VAT1L: variants seen among roughly 807,000 people sequenced by gnomAD.
VAT1L encodes vesicle amine transport 1 like, also known as putative NADPH-dependent quinone oxidoreductase VAT1L.
A neutral mutation model predicts 44.1 loss-of-function variants in VAT1L; 34 were observed. The ratio of observed to expected loss-of-function variants is 0.77; its 90% CI spans 0.59 to 1.03. The LOEUF (loss-of-function observed/expected upper bound fraction) is 1.03, where lower values mean the gene tolerates loss of function less well. Ranked by LOEUF, VAT1L falls within the 50% of genes least tolerant of loss-of-function variation. VAT1L has a pLI of 0.00. For synonymous variants in VAT1L, 253 were observed against 202.2 expected, an observed-to-expected ratio of 1.25 and a Z score of -2.13; for missense variants, 615 against 538.8, an observed-to-expected ratio of 1.14 and a Z score of -1.40.
At chr16:77,878,501 C>G (rs961013544) in intron 5 of VAT1L, among the ~76,000 whole-genome samples, 14 of 151,744 alleles carry the variant, frequency 9.2e-5, no homozygotes, top group African/African-American at 1.5e-4. Context: ...GGTCTTTACT[C>G]TCCGTATGAG....
intron 7 of VAT1L, among the ~76,000 whole-genome samples, chr16:77,890,273 T>C (rs1783693517): frequency 6.6e-6 from 1 of 151,330 alleles, no homozygotes; most frequent in Non-Finnish European, 1.5e-5. Context: ...GTGGGTGGGG[T>C]AGAGAGAAAA....
At chr16:77,931,752 C>G (rs922624348) in intron 7 of VAT1L, among the ~76,000 whole-genome samples, 4 of 152,178 alleles carry the variant, frequency 2.6e-5, no homozygotes, top group Non-Finnish European at 5.9e-5. Flanking sequence ...AATCACACAG[C>G]TGGAAAAATA....
chr16:77,924,820 C>A (rs1417804091), intron 7 of VAT1L, among the ~76,000 whole-genome samples: 3 of 152,114 alleles, frequency 2.0e-5, no homozygotes, highest in Non-Finnish European at 2.9e-5. Context: ...TTTTCCCCCT[C>A]TGTCTAGCAG....
chr16:77,793,315 A>T (rs1048775574), intron 1 of VAT1L, among the ~76,000 whole-genome samples: 1 of 152,024 alleles, frequency 6.6e-6, no homozygotes, highest in Non-Finnish European at 1.5e-5. Flanking sequence ...GACAGAGTCT[A>T]TGTTGCTCAG....
intron 7 of VAT1L, among the ~76,000 whole-genome samples, chr16:77,933,873 T>C (rs930777212): frequency 1.3e-5 from 2 of 152,220 alleles, no homozygotes; most frequent in Non-Finnish European, 2.9e-5. Context: ...AGTAAGCAGA[T>C]GGTGCATAAT....
chr16:77,884,845 A>G lies in VAT1L; in HGVS notation c.1077+43A>G. ...CTTCTGCAAATAAACTCCTCTTTTT[A>G]ACTCAGGAAGGTTTGGGCAGCCAAA... On this transcript the variant is annotated intron_variant, in intron 7 of 8. Transcript: ENST00000302536. The surrounding 1 kb of genome is among the most constrained non-coding windows in gnomAD (Gnocchi z 4.5). The G allele has an allele frequency of 7.0e-7, 1 of 1,429,106 alleles. No individual in the cohort carries two copies. Among genetic ancestry groups the G allele is most frequent in the Non-Finnish European group, 9.2e-7 (1 of 1,089,142 alleles). The allele number at this position is 1,429,106 out of a possible 1,614,324, so 88.5% of individuals were successfully genotyped here.
At chr16:77,880,390 G>A (rs2017138519) in intron 6 of VAT1L, among the ~76,000 whole-genome samples, 1 of 151,878 alleles carries the variant, frequency 6.6e-6, no homozygotes, top group East Asian at 1.9e-4. Flanking sequence ...GAATTCCCGG[G>A]CTCAAGCAAT....
At chr16:77,798,964 T>C (rs1345332663) in intron 1 of VAT1L, among the ~76,000 whole-genome samples, 1 of 152,016 alleles carries the variant, frequency 6.6e-6, no homozygotes, top group Non-Finnish European at 1.5e-5. Context: ...CTCCTTCCCC[T>C]TCCATCTTTC....
chr16:77,792,059 C>T (rs1205721680), intron 1 of VAT1L, among the ~76,000 whole-genome samples: 1 of 152,108 alleles, frequency 6.6e-6, no homozygotes, highest in African/African-American at 2.4e-5. Flanking sequence ...TCAGTGTCTC[C>T]AAACTTCCCA....
intron 7 of VAT1L, among the ~76,000 whole-genome samples, chr16:77,909,009 C>G (rs1181259505): frequency 1.3e-5 from 2 of 152,100 alleles, no homozygotes; most frequent in Non-Finnish European, 2.9e-5. Context: ...AATAATATGA[C>G]AATAACATAC....
At chr16:77,938,026 C>G (rs2017825267) in intron 7 of VAT1L, among the ~76,000 whole-genome samples, 1 of 152,178 alleles carries the variant, frequency 6.6e-6, no homozygotes, top group South Asian at 2.1e-4. Context: ...AGGGCAAAAC[C>G]CTTCTTTTTA....
chr16:77,912,352 A>C (rs1396015839), intron 7 of VAT1L, among the ~76,000 whole-genome samples: 2 of 152,184 alleles, frequency 1.3e-5, no homozygotes, highest in Non-Finnish European at 2.9e-5. Context: ...ACAAAATAAC[A>C]TGATGAAAAA....
chr16:77,945,120 A>G (rs2017943696), intron 7 of VAT1L, among the ~76,000 whole-genome samples: 1 of 152,130 alleles, frequency 6.6e-6, no homozygotes, highest in South Asian at 2.1e-4. Flanking sequence ...CAATTTCAGA[A>G]CCATCCAGAA....
At chr16:77,893,621 A>T (rs1261372283) in intron 7 of VAT1L, among the ~76,000 whole-genome samples, 1 of 152,238 alleles carries the variant, frequency 6.6e-6, no homozygotes, top group East Asian at 1.9e-4. Context: ...CAATATTTCT[A>T]GAGGATTCGC....
intron 3 of VAT1L, among the ~76,000 whole-genome samples, chr16:77,850,430 C>T (rs1243454355): frequency 2.0e-5 from 3 of 152,090 alleles, no homozygotes; most frequent in Non-Finnish European, 4.4e-5. Flanking sequence ...TGATGCTGCC[C>T]CTCTGCCCTT....
At chr16:77,803,043 G>T (rs1332334904) in intron 1 of VAT1L, among the ~76,000 whole-genome samples, 2 of 152,162 alleles carry the variant, frequency 1.3e-5, no homozygotes, top group Non-Finnish European at 2.9e-5. Flanking sequence ...TACACCTTCA[G>T]TGCAGAAATT....
chr16:77,949,906 CAGTT>C (rs1279910054), intron 7 of VAT1L, among the ~76,000 whole-genome samples: 4 of 152,216 alleles, frequency 2.6e-5, no homozygotes, highest in Admixed American at 1.3e-4. Context: ...TCTTCCTAGA[CAGTT>C]GGTTGTCACT....
chr16:77,790,092 A>T (rs1263119555), intron 1 of VAT1L, among the ~76,000 whole-genome samples: 1 of 152,174 alleles, frequency 6.6e-6, no homozygotes, highest in Non-Finnish European at 1.5e-5. Context: ...ACCTCTCTAG[A>T]GGCACGAGAA....
intron 7 of VAT1L, among the ~76,000 whole-genome samples, chr16:77,950,356 C>G (rs1390703922): frequency 2.7e-5 from 4 of 150,142 alleles, no homozygotes; most frequent in Non-Finnish European, 5.9e-5. Context: ...TTGCAGTGAG[C>G]TGAGAGCATG....
Sources: allele counts gnomAD v4.1 joint callset (sites outside exome capture counted in the v4.1 genomes callset), GRCh38; gene constraint gnomAD v4.1.1; non-coding constraint Gnocchi (gnomAD v3.1); transcripts MANE v1.5; gene names NCBI Gene and HGNC (gene_info 2026-07-23, HGNC 2026-07-21).